Variants in RSBN1 observed in about 807,000 individuals in gnomAD.
The protein encoded by RSBN1 is lysine-specific demethylase 9.
In RSBN1, 23 loss-of-function variants were observed where a neutral mutation model predicts 74.8. The ratio of observed to expected loss-of-function variants is 0.31; its 90% confidence interval spans 0.22 to 0.44. The LOEUF (loss-of-function observed/expected upper bound fraction) is 0.44. Ranked by LOEUF, RSBN1 falls within the 20% of genes least tolerant of loss-of-function variation. RSBN1 has a pLI of 1.00. For synonymous variants in RSBN1, 407 were observed against 379.6 expected, an observed-to-expected ratio of 1.07 and a Z score of -0.84; for missense variants, 808 against 1,020.9, an observed-to-expected ratio of 0.79 and a Z score of 2.84.
Position 113,812,233 on chromosome 1 carries a change from C to T in RSBN1, c.180G>A (p.Arg60=), listed in dbSNP as rs771478990. The T allele has an allele frequency of 1.9e-6, 3 of 1,606,672 alleles. No individual in the cohort carries two copies. Among genetic ancestry groups the T allele is most frequent in the African/African-American group, 1.3e-5 (1 of 75,032 alleles). ...CCGGCTCCTCCTGCGCCGCCACCGC[C>T]CGTACTACGCGCACCGCTCCGACCT... ...AAQVGAVRVV[R]AVAAQEEPDK... is the part of the protein sequence containing the mutation. The change falls in exon 1 of 7, where the codon CGG becomes CGA. Residue 60 remains arginine (R), a synonymous_variant. Transcript: ENST00000261441.
intron 2 of RSBN1, among the ~76,000 whole-genome samples, chr1:113,792,510 C>G (rs1328611705): frequency 2.0e-5 from 3 of 152,028 alleles, no homozygotes; most frequent in Non-Finnish European, 4.4e-5. Context: ...CAAGACTAGC[C>G]TAGACGACAT....
At chr1:113,789,458 C>T (rs1417243690) in intron 2 of RSBN1, among the ~76,000 whole-genome samples, 1 of 152,180 alleles carries the variant, frequency 6.6e-6, no homozygotes, top group Non-Finnish European at 1.5e-5. Flanking sequence ...ACATATCCAT[C>T]ACACTAAACC....
intron 4 of RSBN1, among the ~76,000 whole-genome samples, chr1:113,771,810 C>CA (rs71779986): frequency 0.46 from 34,402 of 75,070 alleles, 7,125 homozygotes; most frequent in East Asian, 0.67. Context: ...GTTCCTACCT[C>CA]AAAAAAAAAA....
chr1:113,785,197 A>G (rs1660216101), intron 2 of RSBN1, among the ~76,000 whole-genome samples: 1 of 151,992 alleles, frequency 6.6e-6, no homozygotes, highest in Non-Finnish European at 1.5e-5. Context: ...GCCTATGCCT[A>G]CAACAGGGTT....
rs17031857 is a variant in RSBN1, at chr1:113,771,682, A to G, written c.1659-3293T>C. 1.4e-4 allele frequency among the ~76,000 whole-genome samples: 22 copies of G among 151,874 alleles called. No homozygotes were observed. The East Asian group carries it at 2.9e-3, about 20-fold the overall frequency. On this transcript the variant is annotated intron_variant, in intron 4 of 6. Coordinates refer to ENST00000261441, the MANE Select transcript of RSBN1 (RefSeq NM_018364.5). The stretch of plus-strand genomic sequence containing the variant: ...GAGAAAGTCAGCGTGGTTCTGGAAG[A>G]AAGTAATGTACCTTAACTCTAACCC...
intron 2 of RSBN1, among the ~76,000 whole-genome samples, chr1:113,782,156 C>A (rs1335600712): frequency 1.3e-5 from 2 of 152,158 alleles, no homozygotes; most frequent in Non-Finnish European, 2.9e-5. Flanking sequence ...TAAATAATTT[C>A]TGCTGCCTCC....
chr1:113,791,283 A>C (rs562930291), intron 2 of RSBN1, among the ~76,000 whole-genome samples: 1 of 152,332 alleles, frequency 6.6e-6, no homozygotes, highest in Admixed American at 6.5e-5. Flanking sequence ...TAATATCTAT[A>C]AAATGTTAAA....
intron 1 of RSBN1, among the ~76,000 whole-genome samples, chr1:113,802,548 C>T (rs1033298855): frequency 1.3e-5 from 2 of 152,062 alleles, no homozygotes; most frequent in Admixed American, 1.3e-4. Flanking sequence ...ATTTGTGAAT[C>T]ATTGTATGTT....
At chr1:113,792,971 G>T (rs1051381821) in intron 2 of RSBN1, among the ~76,000 whole-genome samples, 3 of 152,088 alleles carry the variant, frequency 2.0e-5, no homozygotes, top group African/African-American at 7.2e-5. Context: ...TAGAACATTT[G>T]AGTTTTCTAG....
Position 113,811,768 on chromosome 1 carries a change from G to T in RSBN1, c.645C>A (p.Asp215Glu). ...CAGTCCTCTCGCCGTTTTCCTGCTTGTCCTTGTGCTTGAGATCGGTTCCGC... is the reference window on the plus strand; with the variant it reads ...CAGTCCTCTCGCCGTTTTCCTGCTTTTCCTTGTGCTTGAGATCGGTTCCGC... The part of the protein sequence containing the change: ...SSCGTDLKHK[D>E]KQENGERTGG... The change falls in exon 1 of 7, where the codon GAC (aspartate) becomes GAA (glutamate). Residue 215 changes from aspartate to glutamate, a missense_variant. Around this residue, in one of 6 missense-constraint regions of RSBN1, gnomAD observed 464 missense variants for 401.0 expected, o/e 1.16. Transcript: ENST00000261441. 1 of 1,613,594 alleles carries T rather than the reference G, an allele frequency of 6.2e-7. No individual in the cohort carries two copies.
intron 4 of RSBN1, among the ~76,000 whole-genome samples, chr1:113,774,331 T>C (rs1435458394): frequency 6.6e-6 from 1 of 150,874 alleles, no homozygotes; most frequent in African/African-American, 2.4e-5. Flanking sequence ...TGGGAAAAAA[T>C]TACACTAATA....
In RSBN1 at chr1:113,766,118, T is replaced by A; in HGVS notation, c.2271A>T (p.Ser757=). The change falls in exon 7 of 7, where the codon TCA becomes TCT. Residue 757 remains serine (S), a synonymous_variant. Transcript: ENST00000261441. ...CTEIQLLTTA[S]SSFPPASELN... ...GTTCTGATGCAGGTGGGAAAGATGA[T>A]GAAGCAGTTGTTAACAGCTGAATCT... The A allele has an allele frequency of 6.2e-7, 1 of 1,614,080 alleles. No individual in the cohort carries two copies. The highest frequency in any genetic ancestry group is 1.3e-5 in the African/African-American group (1 of 75,028).
At chr1:113,788,288 A>C (rs12094790) in intron 2 of RSBN1, among the ~76,000 whole-genome samples, 1 of 152,102 alleles carries the variant, frequency 6.6e-6, no homozygotes, top group African/African-American at 2.4e-5. Flanking sequence ...ATAACTGAGA[A>C]AGAAAATTAA....
chr1:113,789,504 A>G (rs993766863), intron 2 of RSBN1, among the ~76,000 whole-genome samples: 2 of 152,104 alleles, frequency 1.3e-5, no homozygotes, highest in African/African-American at 4.8e-5. Flanking sequence ...TCTCTGAGCT[A>G]CTCTAGCAAA....
chr1:113,779,703 T>A lies in RSBN1; in HGVS notation c.1378-1895A>T, dbSNP rs191142382. Among the ~76,000 whole-genome samples the A allele has an allele frequency of 1.4e-3, 217 of 152,256 alleles. 2 individuals carry two copies. The highest frequency in any genetic ancestry group is 2.4e-3 in the Non-Finnish European group (165 of 68,000). On this transcript the variant is annotated intron_variant, in intron 2 of 6. Transcript: ENST00000261441. ...TAACCTTCAGCAACATTTCTAGGAA[T>A]CATATGCTTTTAGGGGTAATAAGAA... is the stretch of plus-strand genomic sequence containing the variant.
At chr1:113,789,995 T>C (rs753527143) in intron 2 of RSBN1, among the ~76,000 whole-genome samples, 9 of 152,156 alleles carry the variant, frequency 5.9e-5, no homozygotes, top group Non-Finnish European at 1.3e-4. Context: ...TATGTTCATT[T>C]GGTATTAGTA....
Position 113,766,280 on chromosome 1 carries a change from C to T in RSBN1, c.2109G>A (p.Gln703=). The T allele has an allele frequency of 1.2e-6, 2 of 1,614,084 alleles. No homozygotes were observed. The highest frequency in any genetic ancestry group is 1.7e-6 in the Non-Finnish European group (2 of 1,179,950). The change falls in exon 7 of 7, where the codon CAG becomes CAA. Residue 703 remains glutamine (Q), a synonymous_variant. Transcript: ENST00000261441. ...GAGTGGCTTCCACAACAGGGTGGTA[C>T]TGTTTAAGCCTTATATGCCAGGCTA... is the stretch of plus-strand genomic sequence containing the variant. The part of the protein sequence containing the change: ...CSLAWHIRLK[Q]YHPVVEATQN...
rs918334479 is a variant in RSBN1, at chr1:113,777,067, T to A, written c.1658+143A>T. On this transcript the variant is annotated intron_variant, in intron 4 of 6. Transcript: ENST00000261441. ...AAATGCCTCACTGTGATAACTGTGA[T>A]GATTGGACTGAAAAGAGGAACCGAC... The A allele has an allele frequency of 4.3e-5, 28 of 655,226 alleles. No individual in the cohort carries two copies. In the Admixed American group the frequency reaches 6.8e-4, roughly 16 times the overall value. 40.6% of individuals were successfully genotyped at this position (655,226 alleles called of 1,614,324 possible). A position where few individuals can be genotyped will look rare whatever the true frequency, so the allele number is the denominator to read the frequency against.
In RSBN1 at chr1:113,797,667, T is replaced by G. The variant is rs752900530; in HGVS notation, c.1073A>C (p.Asn358Thr). ...NFLKTGTKFS[N>T]FIHEEHQSNG... Reference sequence around the variant, plus strand: ...GGACTGGTGTTCCTCATGAATAAAGTTGCTAAATTTAGTACCTGTTTTTAA... The same window carrying G: ...GGACTGGTGTTCCTCATGAATAAAGGTGCTAAATTTAGTACCTGTTTTTAA... Residue 358 changes from asparagine (N) to threonine (T), a missense_variant, in exon 2 of 7, where the codon AAC becomes ACC. Asn to Thr is a moderately conservative substitution (Grantham distance 65, BLOSUM62 0). Coordinates refer to ENST00000261441, the MANE Select transcript of RSBN1 (RefSeq NM_018364.5). 21 of 1,613,988 alleles carry G rather than the reference T, an allele frequency of 1.3e-5. No homozygotes were observed. The highest frequency in any genetic ancestry group is 2.7e-5 in the African/African-American group (2 of 74,928).
Sources: allele counts gnomAD v4.1 joint callset (sites outside exome capture counted in the v4.1 genomes callset), GRCh38; gene constraint gnomAD v4.1.1; regional missense constraint gnomAD v4.1.1; transcripts MANE v1.5; gene names NCBI Gene and HGNC (gene_info 2026-07-23, HGNC 2026-07-21).